Variants in SLC14A2 observed in about 807,000 individuals in gnomAD.
The protein encoded by SLC14A2 is solute carrier family 14 member 2.
In SLC14A2, 91 loss-of-function variants were observed where a neutral mutation model predicts 104.6. That is an observed-to-expected ratio of 0.87 (90% CI 0.73 to 1.04). The LOEUF is 1.04. Among genes scored for constraint, SLC14A2 ranks in the 50% least tolerant of loss-of-function variants. The pLI is 0.00. For synonymous variants in SLC14A2, 476 were observed against 466.4 expected, an observed-to-expected ratio of 1.02 and a Z score of -0.27; for missense variants, 1,189 against 1,156.0, an observed-to-expected ratio of 1.03 and a Z score of -0.41.
chr18:45,414,744 T>TTA (rs1359738458), intron 1 of SLC14A2, among the ~76,000 whole-genome samples: 4 of 52,382 alleles, frequency 7.6e-5, no homozygotes, highest in Non-Finnish European at 1.2e-4. Context: ...GCACCGAGCG[T>TTA]AAAAAAAAAA....
chr18:45,170,896 C>T, the SLC14A2 span, among the ~76,000 whole-genome samples: 43 of 152,216 alleles, frequency 2.8e-4, no homozygotes, highest in South Asian at 8.7e-3. Flanking sequence ...TAAAAGGTGC[C>T]ATTGGGGGTA....
At chr18:45,239,578 A>G (rs908705291) in intron 1 of SLC14A2, among the ~76,000 whole-genome samples, 1 of 152,214 alleles carries the variant, frequency 6.6e-6, no homozygotes, top group Non-Finnish European at 1.5e-5. Context: ...CAGGGCAGAG[A>G]CACATGTTGT....
intron 1 of SLC14A2, among the ~76,000 whole-genome samples, chr18:45,417,433 A>G (rs1264756136): frequency 6.6e-6 from 1 of 152,190 alleles, no homozygotes; most frequent in East Asian, 1.9e-4. Flanking sequence ...ATGGCTTAGG[A>G]AGCCTCAGGA....
chr18:45,261,065 A>G (rs113195212), intron 1 of SLC14A2, among the ~76,000 whole-genome samples: 2,093 of 151,528 alleles, frequency 0.014, 46 homozygotes, highest in South Asian at 0.039. Context: ...CACAATGTTC[A>G]GGTTAGTTAC....
At position 45,378,488 on chromosome 18, in the gene SLC14A2, T is replaced by C. The variant is rs909633613; in HGVS notation, c.-124-104745T>C. ...TTTTCTTTACAACTGTGAGATGACA[T>C]GATAGAGGCAAGTGATTCAGCAGAA... On this transcript the variant is annotated intron_variant, in intron 1 of 20. Transcript: ENST00000586448. Among the ~76,000 whole-genome samples the C allele has an allele frequency of 7.9e-5, 12 of 152,320 alleles. 1 individual carries two copies. The highest frequency in any genetic ancestry group is 4.1e-4 in the South Asian group (2 of 4,820).
intron 11 of SLC14A2, 93 bp downstream of exon 11, chr18:45,664,000 G>T: frequency 7.4e-7 from 1 of 1,348,572 alleles, no homozygotes. Flanking sequence ...CAGGGTGGTG[G>T]GGAGACCCGC....
At chr18:45,533,529 G>T (rs2043733238) in intron 2 of SLC14A2, among the ~76,000 whole-genome samples, 1 of 152,156 alleles carries the variant, frequency 6.6e-6, no homozygotes, top group East Asian at 1.9e-4. Flanking sequence ...GTATTTCTGT[G>T]GGATCGGTGG....
At position 45,682,640 on chromosome 18, in the gene SLC14A2, A is replaced by T. The variant is rs1288485277; in HGVS notation, c.*121A>T. 1 of 769,320 alleles carries T rather than the reference A, an allele frequency of 1.3e-6. No individual in the cohort carries two copies. Among genetic ancestry groups the T allele is most frequent in the African/African-American group, 1.7e-5 (1 of 58,292 alleles). 47.7% of individuals were successfully genotyped at this position (769,320 alleles called of 1,614,324 possible). Reference sequence around the variant, plus strand: ...TTCTGTGACTCTCTCCCCAAACACAAAGAAGCGTGTATGTAGTCACCATTC... The same window carrying T: ...TTCTGTGACTCTCTCCCCAAACACATAGAAGCGTGTATGTAGTCACCATTC... On this transcript the variant is annotated 3_prime_UTR_variant, in exon 20 of 20. Transcript: ENST00000255226.
intron 1 of SLC14A2, among the ~76,000 whole-genome samples, chr18:45,281,113 G>T (rs976746388): frequency 2.0e-5 from 3 of 152,188 alleles, no homozygotes; most frequent in African/African-American, 4.8e-5. Context: ...TGCTCGGAGA[G>T]CATCAGATCC....
At chr18:45,200,531 T>G in the SLC14A2 span, among the ~76,000 whole-genome samples, 1 of 152,226 alleles carries the variant, frequency 6.6e-6, no homozygotes, top group Non-Finnish European at 1.5e-5. Flanking sequence ...GCTGAGAAAT[T>G]ATTTCTGATT....
At chr18:45,383,423 A>G (rs1247081717) in intron 1 of SLC14A2, among the ~76,000 whole-genome samples, 1 of 152,138 alleles carries the variant, frequency 6.6e-6, no homozygotes, top group African/African-American at 2.4e-5. Context: ...CTGAGTTTAG[A>G]TGGTCTTAGA....
At chr18:45,646,528 GC>G (rs2045629962) in intron 10 of SLC14A2, 2 of 152,196 alleles carry the variant, frequency 1.3e-5, no homozygotes, top group Non-Finnish European at 2.9e-5. Context: ...TCCACCCAAA[GC>G]ATTGGGTCTG....
rs969990786 is a variant in SLC14A2, at chr18:45,668,339, C to T, written c.1908-10C>T. The T allele has an allele frequency of 5.6e-6, 9 of 1,613,812 alleles. No homozygotes were observed. The Admixed American group carries it at 1.5e-4, about 27-fold the overall frequency. On this transcript the variant is annotated splice_polypyrimidine_tract_variant and intron_variant, in intron 14 of 19. Coordinates refer to ENST00000255226, the MANE Select transcript of SLC14A2 (RefSeq NM_007163.4). ...GCCCCTGCTCCACCTGACCCTCCCT[C>T]TCCTGCCAGGTCGGCCATCGCTGCA...
chr18:45,405,591 A>G (rs1004829363), intron 1 of SLC14A2, among the ~76,000 whole-genome samples: 2 of 152,188 alleles, frequency 1.3e-5, no homozygotes, highest in African/African-American at 2.4e-5. Flanking sequence ...TAATTTAAAA[A>G]TACTTTATTG....
rs62092120 is a variant in SLC14A2 at position 45,219,765 on chromosome 18, T to C, written c.-125+6574T>C. Among the ~76,000 whole-genome samples, 3 of 152,186 alleles carry C rather than the reference T, an allele frequency of 2.0e-5. No individual in the cohort carries two copies. The East Asian group carries it at 5.8e-4, about 29-fold the overall frequency. On this transcript the variant is annotated intron_variant, in intron 1 of 20. Transcript: ENST00000586448. ...TAGTTTACTTTTAAACAAGCACCAG[T>C]GTTATTGAGGGACAGAGAGGCAGGA... is the stretch of plus-strand genomic sequence containing the variant.
At chr18:45,518,754 C>G (rs2043476357) in intron 2 of SLC14A2, among the ~76,000 whole-genome samples, 1 of 151,996 alleles carries the variant, frequency 6.6e-6, no homozygotes, top group Non-Finnish European at 1.5e-5. Context: ...AATTTTTTTT[C>G]TAATTCTTTT....
chr18:45,251,520 C>T (rs1250462743), intron 1 of SLC14A2, among the ~76,000 whole-genome samples: 5 of 152,208 alleles, frequency 3.3e-5, no homozygotes, highest in Non-Finnish European at 7.3e-5. Context: ...AAAACACATA[C>T]TGAATGGCTT....
intron 1 of SLC14A2, among the ~76,000 whole-genome samples, chr18:45,300,786 A>G (rs752222813): frequency 1.3e-5 from 2 of 152,194 alleles, no homozygotes; most frequent in South Asian, 2.1e-4. Flanking sequence ...TGGGAAGTGC[A>G]TTCCTTGCCT....
At chr18:45,257,863 G>T (rs1286371027) in intron 1 of SLC14A2, among the ~76,000 whole-genome samples, 1 of 152,170 alleles carries the variant, frequency 6.6e-6, no homozygotes, top group South Asian at 2.1e-4. Context: ...CATGTAAAAG[G>T]TGGCAATTAT....
Sources: gnomAD v4.1 joint callset for allele counts (sites outside exome capture counted in the v4.1 genomes callset) on GRCh38, gnomAD v4.1.1 for gene constraint, MANE v1.5 for transcripts, NCBI Gene and HGNC (gene_info 2026-07-23, HGNC 2026-07-21) for gene names.